Variants in INVS observed in about 807,000 individuals in gnomAD.
INVS encodes the protein inversin.
INVS carries 86 observed loss-of-function variants against 108.8 expected under a neutral mutation model. That is an observed-to-expected ratio of 0.79 (90% CI 0.66 to 0.95). The LOEUF (loss-of-function observed/expected upper bound fraction) is 0.95, where lower values mean the gene tolerates loss of function less well. INVS is among the 40% of genes least tolerant of loss of function. The probability of loss-of-function intolerance (pLI) is 0.00; values close to 1 mark genes in which losing one functional copy is unlikely to be tolerated. For synonymous variants in INVS, 455 were observed against 473.5 expected, an observed-to-expected ratio of 0.96 and a Z score of 0.51; for missense variants, 1,169 against 1,297.4, an observed-to-expected ratio of 0.90 and a Z score of 1.52.
chr9:100,156,966 AG>A (rs1829010573), intron 3 of INVS, among the ~76,000 whole-genome samples: 1 of 138,342 alleles, frequency 7.2e-6, no homozygotes, highest in Non-Finnish European at 1.5e-5. Flanking sequence ...ATATATATAT[AG>A]GGATATTCAT....
In INVS at chr9:100,299,635, GACACACACACAC is replaced by G. The variant is rs10530240; in HGVS notation, c.3092-898_3092-887del. 3.4e-3 allele frequency among the ~76,000 whole-genome samples: 444 copies of G among 132,352 alleles called. 3 individuals carry two copies. Among genetic ancestry groups the G allele is most frequent in the African/African-American group, 9.6e-3 (345 of 35,802 alleles). 86.8% of individuals were successfully genotyped at this position (132,352 alleles called of 152,430 possible). On this transcript the variant is annotated intron_variant, in intron 16 of 16. Coordinates refer to ENST00000262457, the MANE Select transcript of INVS (RefSeq NM_014425.5). ...AAGAATCTCAGCAGAGCCTTTTATT[GACACACACACAC>G]ACACACACACACACACACACACACA...
rs988164129 is a variant in INVS at position 100,147,403 on chromosome 9, A to G, written c.273+20854A>G. On this transcript the variant is annotated intron_variant, in intron 3 of 16. Coordinates refer to ENST00000262457, the MANE Select transcript of INVS (RefSeq NM_014425.5). The stretch of plus-strand genomic sequence containing the variant: ...TTAAAAGAAATTCAAATGACCCTCA[A>G]GCATATGAAAATATGTTCAAATATA... 6.6e-5 allele frequency among the ~76,000 whole-genome samples: 10 copies of G among 152,354 alleles called. No homozygotes were observed. The South Asian group carries it at 1.9e-3, about 28-fold the overall frequency.
At chr9:100,125,681 ATTT>A (rs68122542) in intron 2 of INVS, among the ~76,000 whole-genome samples, 65 of 99,000 alleles carry the variant, frequency 6.6e-4, no homozygotes, top group African/African-American at 1.9e-3. Context: ...ATCAACTGTG[ATTT>A]TTTTTTTTTT....
chr9:100,154,732 G>C (rs1828917878), intron 3 of INVS, among the ~76,000 whole-genome samples: 1 of 151,932 alleles, frequency 6.6e-6, no homozygotes, highest in African/African-American at 2.4e-5. Context: ...CAGGAAAGAG[G>C]AGAAAAATAT....
intron 2 of INVS, chr9:100,117,681 T>C (rs796911225): frequency 1.8e-4 from 108 of 591,246 alleles, no homozygotes; most frequent in African/African-American, 1.7e-3. Flanking sequence ...GAAGCAGTTA[T>C]AGGTTTTAGA....
intron 3 of INVS, among the ~76,000 whole-genome samples, chr9:100,174,216 A>C (rs1030445309): frequency 6.6e-6 from 1 of 152,232 alleles, no homozygotes; most frequent in African/African-American, 2.4e-5. Flanking sequence ...GCAAAGAAAA[A>C]TATGTTCGTA....
intron 5 of INVS, among the ~76,000 whole-genome samples, chr9:100,235,187 C>T (rs1393987639): frequency 6.6e-6 from 1 of 151,368 alleles, no homozygotes; most frequent in African/African-American, 2.4e-5. Context: ...GGATTGCAAC[C>T]CCTGCTTTTT....
chr9:100,285,518 T>C (rs7872569), intron 13 of INVS, among the ~76,000 whole-genome samples: 8 of 152,324 alleles, frequency 5.3e-5, no homozygotes, highest in African/African-American at 1.7e-4. Context: ...ATTTACTAGT[T>C]TGACTGAGCA....
intron 3 of INVS, among the ~76,000 whole-genome samples, chr9:100,143,646 TTTAG>T (rs1177246380): frequency 5.3e-5 from 8 of 152,166 alleles, no homozygotes; most frequent in South Asian, 2.1e-4. Context: ...AAGCAGATAA[TTTAG>T]TTAAAGTGTC....
rs563124087 is a variant in INVS at position 100,106,424 on chromosome 9, T to A, written c.106+1797T>A. On this transcript the variant is annotated intron_variant, in intron 2 of 16. Transcript: ENST00000262457. ...CTTCATTGTTTCCATTATTTAAAAA[T>A]CCCATCTCTGTTTCTTCATCTCCCT... Among the ~76,000 whole-genome samples, 6 of 152,296 alleles carry A rather than the reference T, an allele frequency of 3.9e-5. No homozygotes were observed. In the South Asian group the frequency reaches 1.2e-3, roughly 32 times the overall value.
intron 2 of INVS, among the ~76,000 whole-genome samples, chr9:100,111,920 A>C (rs1338502063): frequency 6.6e-6 from 1 of 152,180 alleles, no homozygotes; most frequent in Non-Finnish European, 1.5e-5. Context: ...AGAGCTACTC[A>C]AGACAGGACC....
intron 3 of INVS, among the ~76,000 whole-genome samples, chr9:100,142,178 G>T (rs565310775): frequency 1.3e-5 from 2 of 152,122 alleles, no homozygotes; most frequent in Non-Finnish European, 2.9e-5. Flanking sequence ...TATTAAAGAG[G>T]GATTAATGAT....
At chr9:100,145,007 A>G (rs1009808592) in intron 3 of INVS, among the ~76,000 whole-genome samples, 2 of 152,180 alleles carry the variant, frequency 1.3e-5, no homozygotes, top group African/African-American at 4.8e-5. Context: ...GGAAAAATCG[A>G]AAGTGCCGTT....
rs1056639833 is a variant in INVS at position 100,148,204 on chromosome 9, G to T, written c.273+21655G>T. Among the ~76,000 whole-genome samples, 13 of 151,784 alleles carry T rather than the reference G, an allele frequency of 8.6e-5. 1 individual carries two copies. Among genetic ancestry groups the T allele is most frequent in the Admixed American group, 2.6e-4 (4 of 15,202 alleles). On this transcript the variant is annotated intron_variant, in intron 3 of 16. Coordinates refer to ENST00000262457, the MANE Select transcript of INVS (RefSeq NM_014425.5). The stretch of plus-strand genomic sequence containing the variant: ...AAAACAGAAATAAAAAACCAAAAAG[G>T]TTAAGAATATAAAAACTTTCTAAAG...
intron 5 of INVS, among the ~76,000 whole-genome samples, chr9:100,238,456 G>A (rs1831760085): frequency 1.3e-5 from 2 of 152,082 alleles, no homozygotes; most frequent in South Asian, 4.2e-4. Context: ...AAAAAATCCT[G>A]TTTGGTATAC....
chr9:100,221,164 G>A (rs1388051027), intron 3 of INVS, among the ~76,000 whole-genome samples: 1 of 152,186 alleles, frequency 6.6e-6, no homozygotes, highest in Non-Finnish European at 1.5e-5. Context: ...ACAACCTTCA[G>A]AGGGTTGTCA....
intron 2 of INVS, among the ~76,000 whole-genome samples, chr9:100,122,318 A>G (rs1463840670): frequency 6.6e-6 from 1 of 152,082 alleles, no homozygotes; most frequent in Non-Finnish European, 1.5e-5. Context: ...TTTCTATTCT[A>G]TCAGTTTTTG....
intron 5 of INVS, among the ~76,000 whole-genome samples, chr9:100,235,503 C>A (rs1249780091): frequency 6.6e-6 from 1 of 152,032 alleles, no homozygotes; most frequent in Admixed American, 6.6e-5. Context: ...TGGCTGGTAC[C>A]AGTTTTTCCT....
Position 100,206,050 on chromosome 9 carries a change from A to C in INVS, c.274-20012A>C, listed in dbSNP as rs1830667128. 2.0e-5 allele frequency among the ~76,000 whole-genome samples: 3 copies of C among 152,154 alleles called. No individual in the cohort carries two copies. The South Asian group carries it at 6.2e-4, about 31-fold the overall frequency. ...GGATATAAACAGATAATCTTTTAAA[A>C]GTAAACCCATAGTTTAATCTTTTTG... On this transcript the variant is annotated intron_variant, in intron 3 of 16. Transcript: ENST00000262457.
Sources: allele counts gnomAD v4.1 joint callset (sites outside exome capture counted in the v4.1 genomes callset), GRCh38; gene constraint gnomAD v4.1.1; transcripts MANE v1.5; gene names NCBI Gene and HGNC (gene_info 2026-07-23, HGNC 2026-07-21).